Variants in DIP2B observed in about 807,000 individuals in gnomAD.
DIP2B encodes the protein DIP2 acetate--CoA ligase B (putative), also known as disco-interacting protein 2 homolog B.
DIP2B carries 76 observed loss-of-function variants against 198.0 expected under a neutral mutation model. That is an observed-to-expected ratio of 0.38 (90% CI 0.32 to 0.46). DIP2B has a LOEUF of 0.46. Among genes scored for constraint, DIP2B ranks in the 20% least tolerant of loss-of-function variants. The pLI, the probability that DIP2B is intolerant of heterozygous loss-of-function variation, is 0.99. For synonymous variants in DIP2B, 701 were observed against 739.1 expected (o/e 0.95, Z 0.84); for missense variants, 1,559 against 1,978.4 (o/e 0.79, Z 4.02).
intron 8 of DIP2B, 153 bp downstream of exon 8, chr12:50,679,029 A>G (rs1166864616): frequency 5.9e-6 from 5 of 847,248 alleles, no homozygotes; most frequent in East Asian, 2.7e-5. Context: ...AAGTAAAGCT[A>G]TTGCCAAATA....
At position 50,673,264 on chromosome 12, in the gene DIP2B, A is replaced by G. The variant is rs968992068; in HGVS notation, c.641-1210A>G. Among the ~76,000 whole-genome samples, 6 of 152,298 alleles carry G rather than the reference A, an allele frequency of 3.9e-5. No individual in the cohort carries two copies. The South Asian group carries it at 1.0e-3, about 26-fold the overall frequency. ...GCATAGAGACCTTACCCCCAAATCT[A>G]TTTTAGAAATTGTTTGTATTATGCT... On this transcript the variant is annotated intron_variant, in intron 5 of 37. Transcript: ENST00000301180.
chr12:50,706,123 A>G (rs890490380), intron 20 of DIP2B, among the ~76,000 whole-genome samples: 1 of 152,176 alleles, frequency 6.6e-6, no homozygotes, highest in Non-Finnish European at 1.5e-5. Context: ...TCATTCTCCT[A>G]TTTATACTGT....
intron 25 of DIP2B, among the ~76,000 whole-genome samples, 175 bp from the exon 26 acceptor site, chr12:50,721,098 C>T (rs1939827850): frequency 6.6e-6 from 1 of 152,160 alleles, no homozygotes; most frequent in African/African-American, 2.4e-5. Flanking sequence ...TTTGAGCCAC[C>T]CTGTCCAGCC....
chr12:50,516,758 T>C (rs1207589857), intron 1 of DIP2B, among the ~76,000 whole-genome samples: 1 of 152,028 alleles, frequency 6.6e-6, no homozygotes, highest in Non-Finnish European at 1.5e-5. Context: ...GCGGATCACC[T>C]GAGGTCAGGA....
intron 3 of DIP2B, among the ~76,000 whole-genome samples, chr12:50,648,654 C>G (rs867623582): frequency 2.7e-5 from 3 of 112,260 alleles, no homozygotes; most frequent in African/African-American, 9.6e-5. Context: ...TGAGCCACCA[C>G]GCCCAGCCCC....
intron 1 of DIP2B, among the ~76,000 whole-genome samples, chr12:50,612,492 C>T (rs1959040671): frequency 6.6e-6 from 1 of 150,754 alleles, no homozygotes; most frequent in Non-Finnish European, 1.5e-5. Context: ...GCAGTGGTGC[C>T]ATCTTGGCTC....
chr12:50,607,033 C>T (rs1958987663), intron 1 of DIP2B, among the ~76,000 whole-genome samples: 1 of 151,804 alleles, frequency 6.6e-6, no homozygotes, highest in Non-Finnish European at 1.5e-5. Flanking sequence ...TCTAGAACTC[C>T]TGGACTCAAG....
Position 50,712,435 on chromosome 12 carries a change from C to T in DIP2B, c.2650-1960C>T, listed in dbSNP as rs561874275. 2.6e-5 allele frequency among the ~76,000 whole-genome samples: 4 copies of T among 151,788 alleles called. No homozygotes were observed. The East Asian group carries it at 7.8e-4, about 29-fold the overall frequency. ...CCTGGCCAACGTGGTAAAACCCTGTCTCTACTAAAAATACAAAAATTAGCC... is the reference window on the plus strand; with the variant it reads ...CCTGGCCAACGTGGTAAAACCCTGTTTCTACTAAAAATACAAAAATTAGCC... On this transcript the variant is annotated intron_variant, in intron 22 of 37. Transcript: ENST00000301180.
chr12:50,509,049 A>G (rs1359758294), intron 1 of DIP2B, among the ~76,000 whole-genome samples: 1 of 152,194 alleles, frequency 6.6e-6, no homozygotes, highest in Non-Finnish European at 1.5e-5. Context: ...AATCTCTTTC[A>G]AATCCATCAC....
intron 1 of DIP2B, among the ~76,000 whole-genome samples, chr12:50,618,106 C>CT (rs1205848207): frequency 6.6e-6 from 1 of 152,104 alleles, no homozygotes; most frequent in African/African-American, 2.4e-5. Context: ...GAAGGTAATG[C>CT]TTTTTCCGTT....
chr12:50,577,669 A>G (rs1467635019), intron 1 of DIP2B, among the ~76,000 whole-genome samples: 3 of 151,734 alleles, frequency 2.0e-5, no homozygotes, highest in Non-Finnish European at 4.4e-5. Flanking sequence ...ACAAAAAATA[A>G]TAGGTAGAAA....
At position 50,660,191 on chromosome 12, in the gene DIP2B, C is replaced by T. The variant is rs1312724952; in HGVS notation, c.302-3C>T. The T allele has an allele frequency of 6.3e-7, 1 of 1,599,258 alleles. No individual in the cohort carries two copies. The highest frequency in any genetic ancestry group is 1.1e-5 in the South Asian group (1 of 88,096). On this transcript the variant is annotated splice_polypyrimidine_tract_variant and splice_region_variant and intron_variant, in intron 3 of 37. Transcript: ENST00000301180. The stretch of plus-strand genomic sequence containing the variant: ...TAATAAATGCAAATGTTTGCTTTTT[C>T]AGATATCCACACAGAAGCAGTTCAG...
intron 3 of DIP2B, among the ~76,000 whole-genome samples, chr12:50,653,128 G>A (rs1165352488): frequency 6.6e-6 from 1 of 151,902 alleles, no homozygotes; most frequent in Non-Finnish European, 1.5e-5. Flanking sequence ...GAATTCTCCA[G>A]TGAAGCTGTC....
chr12:50,659,011 T>A (rs1174344090), intron 3 of DIP2B, among the ~76,000 whole-genome samples: 2 of 152,044 alleles, frequency 1.3e-5, no homozygotes, highest in South Asian at 2.1e-4. Context: ...GGCTTGAACC[T>A]GGGAGGCAGA....
At chr12:50,559,958 A>G (rs902398481) in intron 1 of DIP2B, among the ~76,000 whole-genome samples, 11 of 151,912 alleles carry the variant, frequency 7.2e-5, no homozygotes, top group Non-Finnish European at 1.6e-4. Flanking sequence ...CTTGTTTCCT[A>G]CCCTCATAGG....
intron 27 of DIP2B, among the ~76,000 whole-genome samples, chr12:50,723,535 G>A (rs1939878990): frequency 6.6e-6 from 1 of 152,150 alleles, no homozygotes; most frequent in Non-Finnish European, 1.5e-5. Context: ...ACAGAATTGT[G>A]TGCAGTTATC....
chr12:50,524,396 C>T (rs7953119), intron 1 of DIP2B, among the ~76,000 whole-genome samples: 1 of 151,774 alleles, frequency 6.6e-6, no homozygotes, highest in Admixed American at 6.6e-5. Flanking sequence ...AATTCAGATA[C>T]GTTTCCATGG....
At chr12:50,668,865 A>C (rs1054092503) in intron 4 of DIP2B, among the ~76,000 whole-genome samples, 1 of 152,172 alleles carries the variant, frequency 6.6e-6, no homozygotes, top group African/African-American at 2.4e-5. Context: ...AAATGTTAGA[A>C]TATTTTCTGA....
chr12:50,742,536 C>T (rs1176421381), intron 37 of DIP2B, among the ~76,000 whole-genome samples: 1 of 151,958 alleles, frequency 6.6e-6, no homozygotes, highest in African/African-American at 2.4e-5. Context: ...ACCACTTTTC[C>T]CCATGCTAAA....
Sources: allele counts gnomAD v4.1 joint callset (sites outside exome capture counted in the v4.1 genomes callset), GRCh38; gene constraint gnomAD v4.1.1; transcripts MANE v1.5; gene names NCBI Gene and HGNC (gene_info 2026-07-23, HGNC 2026-07-21).